Variants in WWOX observed in about 807,000 individuals in gnomAD.
WWOX encodes WW domain containing oxidoreductase.
A neutral mutation model predicts 46.2 loss-of-function variants in WWOX; 69 were observed. That is an observed-to-expected ratio of 1.49 (90% CI 1.23 to 1.82). The LOEUF (loss-of-function observed/expected upper bound fraction) is 1.82. Among genes scored for constraint, WWOX ranks in the 40% most tolerant of loss-of-function variants. The pLI, the probability that WWOX is intolerant of heterozygous loss-of-function variation, is 0.00. For synonymous variants in WWOX, 359 were observed against 202.6 expected (o/e 1.77, Z -6.56); for missense variants, 919 against 542.6 (o/e 1.69, Z -6.89).
chr16:78,107,574 A>G lies in WWOX; in HGVS notation c.108-849A>G, dbSNP rs534067944. 2.2e-4 allele frequency among the ~76,000 whole-genome samples: 33 copies of G among 152,178 alleles called. No individual in the cohort carries two copies. The South Asian group carries it at 6.0e-3, about 28-fold the overall frequency. ...GACCAAAGGTGCACAGCGCACAGCTAGATGCCCTATGGGAAGGTCTTACTG... is the reference window on the plus strand; with the variant it reads ...GACCAAAGGTGCACAGCGCACAGCTGGATGCCCTATGGGAAGGTCTTACTG... On this transcript the variant is annotated intron_variant, in intron 1 of 8. Transcript: ENST00000566780.
chr16:78,968,147 G>A (rs1010276274), intron 8 of WWOX, among the ~76,000 whole-genome samples: 4 of 149,200 alleles, frequency 2.7e-5, no homozygotes, highest in African/African-American at 5.0e-5. Flanking sequence ...GTGGCACAGC[G>A]CGTGGTCCGC....
intron 5 of WWOX, among the ~76,000 whole-genome samples, chr16:78,255,975 C>A (rs1169455095): frequency 6.6e-6 from 1 of 151,724 alleles, no homozygotes. Flanking sequence ...CATGGTGAAA[C>A]CCCATCTCTA....
intron 8 of WWOX, among the ~76,000 whole-genome samples, chr16:78,436,545 G>A (rs2083339732): frequency 6.6e-6 from 1 of 152,130 alleles, no homozygotes; most frequent in African/African-American, 2.4e-5. Context: ...TTAAGCGTTT[G>A]GTAGTACTTT....
At chr16:79,058,085 G>C (rs1014156427) in intron 8 of WWOX, among the ~76,000 whole-genome samples, 3 of 146,850 alleles carry the variant, frequency 2.0e-5, no homozygotes. Context: ...AGCTTAGCCA[G>C]AGTAGGAGAT....
intron 4 of WWOX, among the ~76,000 whole-genome samples, chr16:78,161,072 T>C (rs533987583): frequency 6.6e-6 from 1 of 152,336 alleles, no homozygotes; most frequent in African/African-American, 2.4e-5. Flanking sequence ...GTCTTTTTTT[T>C]CTGAAATTAG....
At chr16:78,569,080 G>T (rs989675385) in intron 8 of WWOX, among the ~76,000 whole-genome samples, 6 of 152,138 alleles carry the variant, frequency 3.9e-5, no homozygotes, top group African/African-American at 1.4e-4. Context: ...AGGCCACTCT[G>T]TCTGAGGAAC....
chr16:78,761,142 C>T lies in WWOX; in HGVS notation c.1056+328390C>T, dbSNP rs764196722. Among the ~76,000 whole-genome samples the T allele has an allele frequency of 5.9e-5, 9 of 152,238 alleles. No individual in the cohort carries two copies. The South Asian group carries it at 6.2e-4, about 11-fold the overall frequency. On this transcript the variant is annotated intron_variant, in intron 8 of 8. Transcript: ENST00000566780. ...ACCATATTACAGGCTAATGACTGAG[C>T]GGGGGCTGTTTCTTGTTGTGTTCTT...
At chr16:78,777,489 G>A (rs565451307) in intron 8 of WWOX, among the ~76,000 whole-genome samples, 75 of 152,294 alleles carry the variant, frequency 4.9e-4, no homozygotes, top group Non-Finnish European at 8.1e-4. Context: ...TGCAAATACA[G>A]ACGTAGAAAG....
intron 8 of WWOX, among the ~76,000 whole-genome samples, chr16:79,166,913 C>G (rs2150760785): frequency 6.6e-6 from 1 of 152,062 alleles, no homozygotes; most frequent in East Asian, 1.9e-4. Flanking sequence ...GTATACAACA[C>G]TCGGTAAATT....
chr16:78,893,878 G>T (rs988842474), intron 8 of WWOX, among the ~76,000 whole-genome samples: 6 of 152,004 alleles, frequency 3.9e-5, no homozygotes, highest in Non-Finnish European at 7.4e-5. Context: ...TAGAACACAA[G>T]ATTTTCTAGA....
At chr16:78,288,838 G>A (rs2079812968) in intron 5 of WWOX, among the ~76,000 whole-genome samples, 1 of 152,116 alleles carries the variant, frequency 6.6e-6, no homozygotes, top group Non-Finnish European at 1.5e-5. Context: ...TTAGGTGGGG[G>A]CTGCTAGATT....
intron 5 of WWOX, among the ~76,000 whole-genome samples, chr16:78,305,432 C>G (rs1466280204): frequency 6.6e-6 from 1 of 152,080 alleles, no homozygotes; most frequent in Non-Finnish European, 1.5e-5. Flanking sequence ...AATGAACATC[C>G]AAGAAGAAGC....
intron 8 of WWOX, among the ~76,000 whole-genome samples, chr16:78,836,502 C>T (rs1172116743): frequency 2.0e-5 from 3 of 152,176 alleles, no homozygotes; most frequent in Non-Finnish European, 2.9e-5. Flanking sequence ...TTGGTATTTT[C>T]AGACACTTCT....
chr16:78,286,892 A>G (rs1014612788), intron 5 of WWOX, among the ~76,000 whole-genome samples: 1 of 152,190 alleles, frequency 6.6e-6, no homozygotes, highest in African/African-American at 2.4e-5. Flanking sequence ...CCTTTATTTT[A>G]AAAAAATGTC....
intron 8 of WWOX, among the ~76,000 whole-genome samples, chr16:78,621,622 T>TTTTTTTG (rs2046188495): frequency 1.6e-5 from 2 of 121,866 alleles, no homozygotes; most frequent in Non-Finnish European, 3.4e-5. Context: ...TTTTTTTTTT[T>TTTTTTTG]GAGACAGAGT....
intron 8 of WWOX, among the ~76,000 whole-genome samples, chr16:78,779,784 C>G (rs1567554454): frequency 6.6e-6 from 1 of 152,084 alleles, no homozygotes; most frequent in South Asian, 2.1e-4. Flanking sequence ...GAGGTGGGAT[C>G]TAGACTGAGG....
intron 8 of WWOX, among the ~76,000 whole-genome samples, chr16:78,667,170 C>T (rs138129403): frequency 1.3e-5 from 2 of 152,172 alleles, no homozygotes; most frequent in South Asian, 4.1e-4. Flanking sequence ...TTGCTAGTAG[C>T]TTCCATGAAA....
At chr16:78,412,161 G>A (rs1006718523) in intron 6 of WWOX, among the ~76,000 whole-genome samples, 5 of 152,218 alleles carry the variant, frequency 3.3e-5, no homozygotes, top group African/African-American at 1.2e-4. Flanking sequence ...TAGAGATACT[G>A]ACATTGACCA....
At chr16:79,032,943 C>T (rs941103409) in intron 8 of WWOX, among the ~76,000 whole-genome samples, 5 of 151,360 alleles carry the variant, frequency 3.3e-5, no homozygotes, top group Non-Finnish European at 5.9e-5. Context: ...TGGTAGGCCC[C>T]AGTGTCTTTT....
Sources: allele counts gnomAD v4.1 joint callset (sites outside exome capture counted in the v4.1 genomes callset), GRCh38; gene constraint gnomAD v4.1.1; transcripts MANE v1.5; gene names NCBI Gene and HGNC (gene_info 2026-07-23, HGNC 2026-07-21).